ARMC9: variants seen among roughly 807,000 people sequenced by gnomAD.
ARMC9 encodes armadillo repeat containing 9.
A neutral mutation model predicts 107.0 loss-of-function variants in ARMC9; 94 were observed. The observed-to-expected ratio is 0.88, with a 90% confidence interval of 0.74 to 1.04. The LOEUF (loss-of-function observed/expected upper bound fraction) is 1.04. Among genes scored for constraint, ARMC9 ranks in the 50% least tolerant of loss-of-function variants. ARMC9 has a pLI of 0.00. For synonymous variants in ARMC9, 380 were observed against 396.9 expected (o/e 0.96, Z 0.51); for missense variants, 942 against 1,030.1 (o/e 0.91, Z 1.17).
chr2:231,291,943 C>G (rs886080766), intron 18 of ARMC9, among the ~76,000 whole-genome samples: 1 of 151,112 alleles, frequency 6.6e-6, no homozygotes, highest in African/African-American at 2.4e-5. Flanking sequence ...CCGAGGCAGG[C>G]AGATCACTTG....
intron 22 of ARMC9, among the ~76,000 whole-genome samples, chr2:231,356,734 T>C (rs928070163): frequency 6.6e-6 from 1 of 152,210 alleles, no homozygotes; most frequent in African/African-American, 2.4e-5. Context: ...TTTGCCAGCG[T>C]TGATCATCAG....
intron 19 of ARMC9, among the ~76,000 whole-genome samples, chr2:231,329,807 T>C (rs1036520435): frequency 2.0e-5 from 3 of 152,216 alleles, no homozygotes; most frequent in African/African-American, 7.2e-5. Flanking sequence ...TTGAATTCAT[T>C]ACTTCTAGGA....
At chr2:231,333,601 C>T (rs972107698) in intron 20 of ARMC9, among the ~76,000 whole-genome samples, 12 of 152,196 alleles carry the variant, frequency 7.9e-5, no homozygotes, top group Admixed American at 6.5e-5. Flanking sequence ...AGGCCTCTGT[C>T]GCCCTTTGGA....
At chr2:231,328,613 C>T (rs2043492295) in intron 19 of ARMC9, among the ~76,000 whole-genome samples, 1 of 151,852 alleles carries the variant, frequency 6.6e-6, no homozygotes, top group Admixed American at 6.6e-5. Context: ...TTCTTTTGTA[C>T]CTTAGTCTAA....
chr2:231,203,885 C>T (rs778735124), intron 1 of ARMC9, among the ~76,000 whole-genome samples: 100 of 151,948 alleles, frequency 6.6e-4, no homozygotes, highest in Middle Eastern at 3.4e-3. Flanking sequence ...GCTGGAACCC[C>T]GGAGGTGGAG....
intron 19 of ARMC9, among the ~76,000 whole-genome samples, chr2:231,319,357 C>T (rs998506725): frequency 6.6e-6 from 1 of 152,074 alleles, no homozygotes; most frequent in East Asian, 1.9e-4. Context: ...GAGCCCTGTT[C>T]GGGTCCTGAT....
intron 19 of ARMC9, among the ~76,000 whole-genome samples, chr2:231,311,821 C>T (rs529178824): frequency 1.3e-5 from 2 of 150,246 alleles, no homozygotes; most frequent in South Asian, 4.2e-4. Context: ...TCTGATGGTT[C>T]CTTTCCGCAG....
intron 21 of ARMC9, among the ~76,000 whole-genome samples, chr2:231,350,946 C>CTTTTTTTTT (rs770225857): frequency 1.2e-4 from 6 of 50,598 alleles, no homozygotes; most frequent in Admixed American, 2.0e-4. Context: ...AGTGACAATT[C>CTTTTTTTTT]TTTTTTTTTT....
chr2:231,211,668 A>G (rs2032882833), intron 3 of ARMC9, among the ~76,000 whole-genome samples: 1 of 152,126 alleles, frequency 6.6e-6, no homozygotes, highest in African/African-American at 2.4e-5. Context: ...TTTTTGAGGA[A>G]TTGCCAAGCT....
At chr2:231,305,769 G>A (rs906848369) in intron 19 of ARMC9, among the ~76,000 whole-genome samples, 2 of 152,152 alleles carry the variant, frequency 1.3e-5, no homozygotes, top group Non-Finnish European at 2.9e-5. Flanking sequence ...AAAAAAAATA[G>A]TAGAGAGGAT....
At chr2:231,216,506 G>T in intron 4 of ARMC9, 132 bp from the exon 5 acceptor site, 1 of 996,868 alleles carries the variant, frequency 1.0e-6, no homozygotes, top group Non-Finnish European at 1.5e-6. Flanking sequence ...TAGAGACAAT[G>T]CACCTGCCAG....
chr2:231,315,037 A>G (rs2042583089), intron 19 of ARMC9, among the ~76,000 whole-genome samples: 1 of 152,026 alleles, frequency 6.6e-6, no homozygotes, highest in Non-Finnish European at 1.5e-5. Context: ...TCAGGAGTTC[A>G]AGACCAGCCT....
chr2:231,285,913 C>A (rs1371958269), intron 17 of ARMC9, among the ~76,000 whole-genome samples: 1 of 152,152 alleles, frequency 6.6e-6, no homozygotes, highest in African/African-American at 2.4e-5. Flanking sequence ...ATGTAGGTCT[C>A]ACATGGGTGC....
At chr2:231,286,804 A>G (rs981317239) in intron 17 of ARMC9, among the ~76,000 whole-genome samples, 2 of 152,258 alleles carry the variant, frequency 1.3e-5, no homozygotes, top group African/African-American at 4.8e-5. Context: ...CATAAAAATT[A>G]CATTAGTACC....
At chr2:231,241,002 A>G (rs1427019766) in intron 9 of ARMC9, among the ~76,000 whole-genome samples, 1 of 152,176 alleles carries the variant, frequency 6.6e-6, no homozygotes, top group Non-Finnish European at 1.5e-5. Context: ...GTTCCAGACC[A>G]GCCTGGCCAA....
intron 16 of ARMC9, among the ~76,000 whole-genome samples, chr2:231,280,351 A>G (rs950020630): frequency 6.6e-6 from 1 of 152,110 alleles, no homozygotes; most frequent in Admixed American, 6.6e-5. Context: ...CTAGCTACTC[A>G]GGAGGCTGAG....
At chr2:231,241,848 A>G (rs776735085) in intron 9 of ARMC9, among the ~76,000 whole-genome samples, 56 of 152,310 alleles carry the variant, frequency 3.7e-4, no homozygotes, top group Non-Finnish European at 6.3e-4. Flanking sequence ...GGCAGGCTGC[A>G]GACTGGGCTC....
In ARMC9 at chr2:231,235,287, A is replaced by C. The variant is rs1437701200; in HGVS notation, c.686A>C (p.Lys229Thr). 1.9e-6 allele frequency: 3 copies of C among 1,614,228 alleles called. No individual in the cohort carries two copies. Among genetic ancestry groups the C allele is most frequent in the Non-Finnish European group, 2.5e-6 (3 of 1,180,032 alleles). ...EAERRSVTYL[K>T]RYNKIQADYH... is the part of the protein sequence containing the mutation. ...GAACGTAGGTCAGTGACATACCTCA[A>C]ACGGTACAATAAGATCCAGGCCGAC... Residue 229 changes from lysine to threonine, a missense_variant, in exon 8 of 25, where the codon AAA (lysine) becomes ACA (threonine). Lys to Thr is a moderately conservative substitution (Grantham distance 78). Coordinates refer to ENST00000611582, the MANE Select transcript of ARMC9 (RefSeq NM_001352754.2).
intron 6 of ARMC9, among the ~76,000 whole-genome samples, chr2:231,224,228 CTTGAGCCCAGGAGT>C (rs1212095325): frequency 7.2e-5 from 11 of 152,246 alleles, no homozygotes; most frequent in African/African-American, 2.7e-4. Flanking sequence ...GGGAGGATCA[CTTGAGCCCAGGAGT>C]TTGAGCCCAG....
Sources: allele counts gnomAD v4.1 joint callset (sites outside exome capture counted in the v4.1 genomes callset), GRCh38; gene constraint gnomAD v4.1.1; transcripts MANE v1.5; gene names NCBI Gene and HGNC (gene_info 2026-07-23, HGNC 2026-07-21).